Variants in KCNT1 observed in about 807,000 individuals in gnomAD.
KCNT1 encodes potassium channel subfamily T member 1.
KCNT1 carries 78 observed loss-of-function variants against 147.8 expected under a neutral mutation model. The observed-to-expected ratio is 0.53, with a 90% CI of 0.44 to 0.64. The LOEUF (loss-of-function observed/expected upper bound fraction) is 0.64, where lower values mean the gene tolerates loss of function less well. Among genes scored for constraint, KCNT1 ranks in the 30% least tolerant of loss-of-function variants. The pLI is 0.00. For synonymous variants in KCNT1, 867 were observed against 748.8 expected, an observed-to-expected ratio of 1.16 and a Z score of -2.58; for missense variants, 1,419 against 1,750.3, an observed-to-expected ratio of 0.81 and a Z score of 3.38.
chr9:135,758,669 G>A (rs1368504957), intron 10 of KCNT1, among the ~76,000 whole-genome samples, 161 bp downstream of exon 10: 1 of 152,238 alleles, frequency 6.6e-6, no homozygotes, highest in Non-Finnish European at 1.5e-5. Flanking sequence ...CTGGGACTGA[G>A]GTCAGGAGGC....
At position 135,794,202 on chromosome 9, in the gene KCNT1, A is replaced by ATGACT. The variant is rs896887770; in HGVS notation, c.*2043_*2047dup. 2.0e-5 allele frequency: 3 copies of ATGACT among 152,310 alleles called. No homozygotes were observed. The highest frequency in any genetic ancestry group is 7.2e-5 in the African/African-American group (3 of 41,472). The allele number at this position is 152,310 out of a possible 1,614,324, so 9.4% of individuals were successfully genotyped here. ...GCAGGAGGCACCATGGGGGAGTCGCATGACTTATTCGGGATTGACTTGCGA... is the reference window on the plus strand; with the variant it reads ...GCAGGAGGCACCATGGGGGAGTCGCATGACTTGACTTATTCGGGATTGACTTGCGA... On this transcript the variant is annotated 3_prime_UTR_variant, in exon 31 of 31. Transcript: ENST00000371757.
At chr9:135,786,629 G>A (rs1834075537) in intron 29 of KCNT1, 108 bp downstream of exon 29, 7 of 1,053,830 alleles carry the variant, frequency 6.6e-6, no homozygotes, top group South Asian at 1.7e-5. Flanking sequence ...CCGTCCTCCT[G>A]TCTGTCATCT....
chr9:135,726,971 CTTTCCCATTCTCT>C (rs1836194324), intron 2 of KCNT1, among the ~76,000 whole-genome samples: 1 of 108,372 alleles, frequency 9.2e-6, no homozygotes, highest in Non-Finnish European at 2.0e-5. Context: ...CTCTCCCTCT[CTTTCCCATTCTCT>C]CTCTCCCTCT....
intron 2 of KCNT1, among the ~76,000 whole-genome samples, chr9:135,745,065 C>T (rs1021634000): frequency 1.3e-5 from 2 of 152,220 alleles, no homozygotes; most frequent in East Asian, 1.9e-4. Context: ...ATGCAGCACC[C>T]GCTGCCGGGT....
chr9:135,764,690 T>C (rs776545347), intron 11 of KCNT1, among the ~76,000 whole-genome samples: 7 of 151,902 alleles, frequency 4.6e-5, no homozygotes, highest in Non-Finnish European at 1.0e-4. Flanking sequence ...AAGACCGGGG[T>C]CTGAGGCCTG....
intron 18 of KCNT1, 147 bp from the exon 19 acceptor site, chr9:135,772,568 G>A (rs1355029735): frequency 6.1e-6 from 3 of 493,796 alleles, no homozygotes; most frequent in Non-Finnish European, 1.0e-5. Flanking sequence ...GGGAAACTGA[G>A]GCATAGATTG....
intron 1 of KCNT1, 33 bp downstream of exon 1, chr9:135,702,401 G>A (rs762818049): frequency 6.7e-5 from 101 of 1,512,098 alleles, no homozygotes; most frequent in Non-Finnish European, 8.2e-5. Flanking sequence ...CACGCGGGGA[G>A]GCCCCGGTCT....
chr9:135,765,252 A>G lies in KCNT1; in HGVS notation c.1200+57A>G, dbSNP rs1206945864. ...CTCCCTCCCGGCCCCTAGAGACGCC[A>G]TCCTCTCCCCAGGACTGCTTGGCAA... is the stretch of plus-strand genomic sequence containing the variant. On this transcript the variant is annotated intron_variant, in intron 12 of 30. Transcript: ENST00000371757. 6.6e-6 allele frequency: 10 copies of G among 1,526,340 alleles called. No individual in the cohort carries two copies. The South Asian group carries it at 9.2e-5, about 14-fold the overall frequency. 94.5% of individuals were successfully genotyped at this position (1,526,340 alleles called of 1,614,324 possible).
intron 2 of KCNT1, among the ~76,000 whole-genome samples, chr9:135,727,144 T>C (rs1420515708): frequency 7.3e-5 from 1 of 13,700 alleles, no homozygotes; most frequent in Non-Finnish European, 1.5e-4. Context: ...CCCTCCCTCT[T>C]CCTCTCTCCC....
intron 2 of KCNT1, among the ~76,000 whole-genome samples, chr9:135,739,109 G>C (rs548362502): frequency 1.3e-5 from 2 of 152,088 alleles, no homozygotes; most frequent in Non-Finnish European, 2.9e-5. Context: ...CATCCTCTCC[G>C]GGGCCGTTCC....
chr9:135,713,001 A>C (rs1835563719), intron 1 of KCNT1, among the ~76,000 whole-genome samples: 1 of 152,200 alleles, frequency 6.6e-6, no homozygotes, highest in African/African-American at 2.4e-5. Flanking sequence ...GAAGCAAGCC[A>C]AGGTCCAAGC....
At chr9:135,743,910 G>T (rs12685666) in intron 2 of KCNT1, among the ~76,000 whole-genome samples, 1 of 152,196 alleles carries the variant, frequency 6.6e-6, no homozygotes, top group Non-Finnish European at 1.5e-5. Flanking sequence ...GCCCTTGGGC[G>T]TATCAGATGC....
chr9:135,776,981 C>T (rs759868210), intron 20 of KCNT1, among the ~76,000 whole-genome samples: 12 of 152,364 alleles, frequency 7.9e-5, no homozygotes, highest in African/African-American at 2.4e-4. Context: ...GACCTGGGCA[C>T]GTGGCGTGCT....
chr9:135,794,628 G>A lies in KCNT1; in HGVS notation c.*2467G>A, dbSNP rs1374032952. ...CGCCCAGCGGCCTGTGAATCCTCCC[G>A]TGGGCAAAGCTGGGAGCCAGGGGCT... is the stretch of plus-strand genomic sequence containing the variant. On this transcript the variant is annotated 3_prime_UTR_variant, in exon 31 of 31. Coordinates refer to ENST00000371757, the MANE Select transcript of KCNT1 (RefSeq NM_020822.3). 4 of 152,242 alleles carry A rather than the reference G, an allele frequency of 2.6e-5. No homozygotes were observed. Among genetic ancestry groups the A allele is most frequent in the Non-Finnish European group, 4.4e-5 (3 of 68,050 alleles). The allele number at this position is 152,242 out of a possible 1,614,324, so 9.4% of individuals were successfully genotyped here. A position where few individuals can be genotyped will look rare whatever the true frequency, so the allele number is the denominator to read the frequency against.
intron 2 of KCNT1, among the ~76,000 whole-genome samples, chr9:135,732,537 G>T (rs1830142880): frequency 6.6e-6 from 1 of 152,048 alleles, no homozygotes; most frequent in South Asian, 2.1e-4. Flanking sequence ...TGTATGGCGT[G>T]TGGGCTCTCC....
At chr9:135,731,215 C>T (rs956754331) in intron 2 of KCNT1, among the ~76,000 whole-genome samples, 3 of 152,074 alleles carry the variant, frequency 2.0e-5, no homozygotes, top group Non-Finnish European at 4.4e-5. Context: ...ACTAGATTTT[C>T]CACACTCTCG....
At chr9:135,711,524 C>T (rs1402454240) in intron 1 of KCNT1, among the ~76,000 whole-genome samples, 1 of 152,256 alleles carries the variant, frequency 6.6e-6, no homozygotes, top group Non-Finnish European at 1.5e-5. Context: ...CACCACCTGG[C>T]TTGCCAGGGT....
chr9:135,785,982 C>T (rs923951307), intron 28 of KCNT1: 5 of 578,186 alleles, frequency 8.6e-6, no homozygotes, highest in Middle Eastern at 9.0e-4. Context: ...GCCCGGCGAT[C>T]TGTGCTCAGG....
intron 2 of KCNT1, among the ~76,000 whole-genome samples, chr9:135,715,682 ATCTACTGCTGAAACCG>A (rs1835695405): frequency 6.6e-6 from 1 of 151,692 alleles, no homozygotes; most frequent in Non-Finnish European, 1.5e-5. Context: ...TTTCAGAATA[ATCTACTGCTGAAACCG>A]CAGCTGAAAA....
Sources: allele counts gnomAD v4.1 joint callset (sites outside exome capture counted in the v4.1 genomes callset), GRCh38; gene constraint gnomAD v4.1.1; transcripts MANE v1.5; gene names NCBI Gene and HGNC (gene_info 2026-07-23, HGNC 2026-07-21).